The following FSTL4 variants were observed in gnomAD, a reference collection of about 807,000 sequenced individuals.
FSTL4 encodes the protein follistatin-related protein 4.
A neutral mutation model predicts 78.2 loss-of-function variants in FSTL4; 28 were observed. That is an observed-to-expected ratio of 0.36 (90% CI 0.27 to 0.49). The LOEUF (loss-of-function observed/expected upper bound fraction) is 0.49, where lower values mean the gene tolerates loss of function less well. Ranked by LOEUF, FSTL4 falls within the 20% of genes least tolerant of loss-of-function variation. FSTL4 has a pLI of 0.98. For missense variants in FSTL4, 922 were observed against 1,084.9 expected, an observed-to-expected ratio of 0.85 and a Z score of 2.11; for synonymous variants, 422 against 440.5, an observed-to-expected ratio of 0.96 and a Z score of 0.53.
At chr5:133,781,154 G>A in the FSTL4 span, among the ~76,000 whole-genome samples, 1 of 152,136 alleles carries the variant, frequency 6.6e-6, no homozygotes, top group East Asian at 1.9e-4. Context: ...CCAGTGAGGA[G>A]AGACATGCTG....
chr5:133,667,157 A>G, the FSTL4 span, among the ~76,000 whole-genome samples: 1 of 152,194 alleles, frequency 6.6e-6, no homozygotes, highest in Non-Finnish European at 1.5e-5. Context: ...CTAGGTTCTC[A>G]GGGCAAAAGC....
At chr5:133,392,022 G>T (rs967616713) in intron 4 of FSTL4, among the ~76,000 whole-genome samples, 4 of 152,162 alleles carry the variant, frequency 2.6e-5, no homozygotes, top group Non-Finnish European at 5.9e-5. Context: ...GAATATTGCT[G>T]AACAACTGGA....
chr5:133,369,843 C>T (rs1257242880), intron 4 of FSTL4, among the ~76,000 whole-genome samples: 1 of 152,190 alleles, frequency 6.6e-6, no homozygotes, highest in Non-Finnish European at 1.5e-5. Flanking sequence ...GCACCCCACT[C>T]CAGATAGTCT....
intron 3 of FSTL4, among the ~76,000 whole-genome samples, chr5:133,405,366 G>A (rs772698895): frequency 3.9e-5 from 6 of 152,212 alleles, no homozygotes; most frequent in Non-Finnish European, 7.3e-5. Context: ...CACCTGCCAC[G>A]AACCCTGGCC....
the FSTL4 span, among the ~76,000 whole-genome samples, chr5:133,812,317 T>C: frequency 1.3e-5 from 2 of 152,186 alleles, no homozygotes; most frequent in African/African-American, 4.8e-5. Flanking sequence ...CACTCCCAGA[T>C]TGAAACCCTG....
At chr5:133,244,613 A>T (rs1470272230) in intron 7 of FSTL4, 3 of 152,468 alleles carry the variant, frequency 2.0e-5, no homozygotes, top group African/African-American at 7.2e-5. Context: ...GAGGGGCTGC[A>T]GCATGTGCCC....
In FSTL4 at chr5:133,368,009, T is replaced by C. The variant is rs1755213727; in HGVS notation, c.409+32729A>G. ...TTGGTGGAACCAGGAGACCATCTCA[T>C]CTAGCCTCTGCATAAGAAAGATACC... On this transcript the variant is annotated intron_variant, in intron 4 of 15. Coordinates refer to ENST00000265342, the MANE Select transcript of FSTL4 (RefSeq NM_015082.2). Among the ~76,000 whole-genome samples the C allele has an allele frequency of 4.6e-5, 7 of 152,382 alleles. No individual in the cohort carries two copies. The South Asian group carries it at 1.4e-3, about 32-fold the overall frequency.
chr5:133,703,928 G>T, the FSTL4 span, among the ~76,000 whole-genome samples: 1 of 152,182 alleles, frequency 6.6e-6, no homozygotes, highest in Non-Finnish European at 1.5e-5. Flanking sequence ...TTTCGCTCAG[G>T]CCCCTTGATT....
intron 3 of FSTL4, among the ~76,000 whole-genome samples, chr5:133,468,722 C>A (rs1383360891): frequency 1.3e-5 from 2 of 152,178 alleles, no homozygotes; most frequent in Non-Finnish European, 2.9e-5. Context: ...CAAACTCCCC[C>A]AGTTGTTCCT....
chr5:133,836,793 G>A, the FSTL4 span, among the ~76,000 whole-genome samples: 53 of 152,228 alleles, frequency 3.5e-4, no homozygotes, highest in South Asian at 5.6e-3. Flanking sequence ...TCAAGCTTCC[G>A]CTGTTCCTTG....
At chr5:133,812,875 C>A in the FSTL4 span, among the ~76,000 whole-genome samples, 1 of 152,202 alleles carries the variant, frequency 6.6e-6, no homozygotes, top group Non-Finnish European at 1.5e-5. Context: ...TGAATATTTC[C>A]CAACTCTATG....
chr5:133,455,282 C>A (rs1757465282), intron 3 of FSTL4, among the ~76,000 whole-genome samples: 1 of 152,140 alleles, frequency 6.6e-6, no homozygotes, highest in South Asian at 2.1e-4. Flanking sequence ...AGAAAAAGGA[C>A]AAACTCATCC....
chr5:133,644,557 G>A, the FSTL4 span, among the ~76,000 whole-genome samples: 1 of 152,134 alleles, frequency 6.6e-6, no homozygotes, highest in Non-Finnish European at 1.5e-5. Context: ...CCACCGTGAT[G>A]GTCCTGCCTG....
the FSTL4 span, among the ~76,000 whole-genome samples, chr5:133,745,277 A>G: frequency 1.1e-4 from 16 of 152,214 alleles, no homozygotes; most frequent in Admixed American, 1.3e-4. Flanking sequence ...ATGATCCTCA[A>G]GCTTTGCCTT....
At chr5:133,282,239 A>G (rs1753026279) in intron 6 of FSTL4, among the ~76,000 whole-genome samples, 1 of 152,092 alleles carries the variant, frequency 6.6e-6, no homozygotes, top group Non-Finnish European at 1.5e-5. Context: ...AAGCAGAGGA[A>G]ACAGTATGTG....
At chr5:133,407,899 G>C (rs1424417830) in intron 3 of FSTL4, among the ~76,000 whole-genome samples, 1 of 152,190 alleles carries the variant, frequency 6.6e-6, no homozygotes, top group Non-Finnish European at 1.5e-5. Flanking sequence ...TAATGAGAGA[G>C]CCCACAGTGC....
At chr5:133,233,089 C>T (rs764676531) in intron 8 of FSTL4, among the ~76,000 whole-genome samples, 3 of 152,248 alleles carry the variant, frequency 2.0e-5, no homozygotes, top group African/African-American at 2.4e-5. Context: ...CACAGCGGCT[C>T]ACCAGCACTG....
intron 2 of FSTL4, among the ~76,000 whole-genome samples, chr5:133,582,593 G>C (rs1760440821): frequency 6.6e-6 from 1 of 152,194 alleles, no homozygotes. Flanking sequence ...CAACAGCTGG[G>C]AGACACAGGT....
intron 6 of FSTL4, among the ~76,000 whole-genome samples, chr5:133,261,431 A>C (rs1275548508): frequency 6.6e-6 from 1 of 152,216 alleles, no homozygotes; most frequent in Non-Finnish European, 1.5e-5. Flanking sequence ...TTAGCCGAGA[A>C]GACCCCAGAA....
Sources: gnomAD v4.1 joint callset for allele counts (sites outside exome capture counted in the v4.1 genomes callset) on GRCh38, gnomAD v4.1.1 for gene constraint, MANE v1.5 for transcripts, NCBI Gene and HGNC (gene_info 2026-07-23, HGNC 2026-07-21) for gene names.